Variants in JARID2 observed in about 807,000 individuals in gnomAD.
The protein encoded by JARID2 is jumonji and AT-rich interaction domain containing 2.
Under a neutral mutation model 125.6 loss-of-function variants are expected in JARID2, and 21 were observed. The observed-to-expected ratio is 0.17, with a 90% CI of 0.12 to 0.24. The LOEUF (loss-of-function observed/expected upper bound fraction) is 0.24, where lower values mean the gene tolerates loss of function less well. JARID2 is among the 10% of genes least tolerant of loss of function. The pLI, the probability that JARID2 is intolerant of heterozygous loss-of-function variation, is 1.00. For synonymous variants in JARID2, 736 were observed against 661.6 expected, an observed-to-expected ratio of 1.11 and a Z score of -1.73; for missense variants, 1,303 against 1,639.6, an observed-to-expected ratio of 0.79 and a Z score of 3.55.
At position 15,496,246 on chromosome 6, in the gene JARID2, A is replaced by G; in HGVS notation, c.1021A>G (p.Thr341Ala). The G allele has an allele frequency of 1.9e-6, 3 of 1,614,190 alleles. No homozygotes were observed. The highest frequency in any genetic ancestry group is 2.5e-6 in the Non-Finnish European group (3 of 1,180,036). ...ATCCAAAACTGTGAAGTACACTGCC[A>G]CGGTGACGAAGGGGGCTGTCACATA... ...SPSKTVKYTA[T>A]VTKGAVTYTK... Residue 341 changes from threonine to alanine, a missense_variant, in exon 7 of 18, where the codon ACG (threonine) becomes GCG (alanine). Transcript: ENST00000341776.
intron 3 of JARID2, among the ~76,000 whole-genome samples, chr6:15,437,310 C>G (rs138000213): frequency 1.3e-5 from 2 of 152,254 alleles, no homozygotes; most frequent in Non-Finnish European, 1.5e-5. Context: ...CTGTTCAGAC[C>G]TGAAAGGCAG....
At chr6:15,463,212 AAAAT>A (rs1306450366) in intron 4 of JARID2, among the ~76,000 whole-genome samples, 1 of 152,158 alleles carries the variant, frequency 6.6e-6, no homozygotes, top group African/African-American at 2.4e-5. Flanking sequence ...CCCCCTGAAA[AAAAT>A]CCCACACAAT....
chr6:15,320,568 T>G (rs1478057615), intron 1 of JARID2, among the ~76,000 whole-genome samples: 2 of 152,222 alleles, frequency 1.3e-5, no homozygotes, highest in Non-Finnish European at 2.9e-5. Context: ...TACTGTAGTT[T>G]AAATTCATCT....
chr6:15,421,766 TTGTAGCAAA>T (rs1264221790), intron 3 of JARID2, among the ~76,000 whole-genome samples: 5 of 152,150 alleles, frequency 3.3e-5, no homozygotes, highest in Admixed American at 3.3e-4. Flanking sequence ...CTTCCATAAG[TTGTAGCAAA>T]TGTAGGTCTG....
At chr6:15,349,113 G>A (rs1203341312) in intron 1 of JARID2, among the ~76,000 whole-genome samples, 2 of 152,182 alleles carry the variant, frequency 1.3e-5, no homozygotes, top group African/African-American at 4.8e-5. Context: ...ATGTTGGTCT[G>A]CTTTTCAATA....
chr6:15,342,387 G>A (rs923418886), intron 1 of JARID2, among the ~76,000 whole-genome samples: 1 of 152,174 alleles, frequency 6.6e-6, no homozygotes, highest in African/African-American at 2.4e-5. Context: ...CTGGGGCAGA[G>A]CAGACACTAA....
rs1372288698 is a variant in JARID2 at position 15,246,211 on chromosome 6, G to A, written c.-329G>A. The A allele has an allele frequency of 2.6e-5, 12 of 469,936 alleles. No homozygotes were observed. The allele number at this position is 469,936 out of a possible 1,614,324, so 29.1% of individuals were successfully genotyped here. ...TCACGTTTCGCTGATGTAGTTTTTGGAGGAAAAAGGGGGGGGAGTGAAGGG... is the reference window on the plus strand; with the variant it reads ...TCACGTTTCGCTGATGTAGTTTTTGAAGGAAAAAGGGGGGGGAGTGAAGGG... On this transcript the variant is annotated 5_prime_UTR_variant, in exon 1 of 18. Transcript: ENST00000341776.
rs765726366 is a variant in JARID2 at position 15,504,480 on chromosome 6, T to C, written c.2449-20T>C. The C allele has an allele frequency of 2.1e-5, 33 of 1,577,812 alleles. No individual in the cohort carries two copies. The highest frequency in any genetic ancestry group is 2.9e-5 in the Non-Finnish European group (33 of 1,146,988). On this transcript the variant is annotated intron_variant, in intron 8 of 17. Coordinates refer to ENST00000341776, the MANE Select transcript of JARID2 (RefSeq NM_004973.4). Reference sequence around the variant, plus strand: ...TTCAGCTTTGCTTCTGAAGCTTTACTGTTTTTTGTTTTGTTTCAGGGAAGG... The same window carrying C: ...TTCAGCTTTGCTTCTGAAGCTTTACCGTTTTTTGTTTTGTTTCAGGGAAGG...
intron 1 of JARID2, chr6:15,247,623 G>A: frequency 4.1e-6 from 4 of 984,938 alleles, no homozygotes; most frequent in Non-Finnish European, 4.8e-6. Flanking sequence ...AGACAAATTG[G>A]TGTTAATATT....
chr6:15,338,816 T>TC (rs1762968481), intron 1 of JARID2, among the ~76,000 whole-genome samples: 1 of 152,234 alleles, frequency 6.6e-6, no homozygotes, highest in South Asian at 2.1e-4. Context: ...AAGGCCCAGT[T>TC]ACCCTTCTCC....
chr6:15,302,641 C>T (rs139533875), intron 1 of JARID2, among the ~76,000 whole-genome samples: 1 of 152,194 alleles, frequency 6.6e-6, no homozygotes, highest in Non-Finnish European at 1.5e-5. Flanking sequence ...TCAGGCTGTC[C>T]ATTGCCTAGG....
chr6:15,429,046 T>C (rs1038107727), intron 3 of JARID2, among the ~76,000 whole-genome samples: 1 of 151,372 alleles, frequency 6.6e-6, no homozygotes, highest in Non-Finnish European at 1.5e-5. Context: ...ACATCATCCA[T>C]ATGTGATTGT....
Position 15,513,027 on chromosome 6 carries a change from C to A in JARID2, c.3248C>A (p.Ala1083Asp). The A allele has an allele frequency of 6.2e-7, 1 of 1,614,112 alleles. No homozygotes were observed. Among genetic ancestry groups the A allele is most frequent in the Non-Finnish European group, 8.5e-7 (1 of 1,180,016 alleles). Residue 1083 changes from alanine (A) to aspartate (D), a missense_variant, in exon 15 of 18, where the codon GCC (alanine) becomes GAC (aspartate). Transcript: ENST00000341776. Reference sequence around the variant, plus strand: ...GGTCCCACTCTCAGTACCATCTCAGCCCTCCTGGATGAGCTCAGGTAACAG... The same window carrying A: ...GGTCCCACTCTCAGTACCATCTCAGACCTCCTGGATGAGCTCAGGTAACAG... ...ENGPTLSTIS[A>D]LLDELRDTEL...
intron 13 of JARID2, among the ~76,000 whole-genome samples, chr6:15,511,819 C>T (rs1771293294): frequency 6.6e-6 from 1 of 152,194 alleles, no homozygotes; most frequent in Admixed American, 6.5e-5. Context: ...CCCTGCCGGT[C>T]CCGCCTGTCC....
At chr6:15,464,169 A>G (rs1038815481) in intron 4 of JARID2, among the ~76,000 whole-genome samples, 4 of 152,186 alleles carry the variant, frequency 2.6e-5, no homozygotes, top group African/African-American at 7.2e-5. Context: ...TCGAGGAGAA[A>G]AAAAGAACCT....
chr6:15,507,284 T>TG (rs989274985), intron 10 of JARID2, 30 bp downstream of exon 10: 2 of 1,602,868 alleles, frequency 1.2e-6, no homozygotes, highest in Non-Finnish European at 1.7e-6. Context: ...TCCAGGTTCT[T>TG]GGGGATGTGA....
chr6:15,505,823 G>A (rs990934476), intron 9 of JARID2, among the ~76,000 whole-genome samples: 7 of 152,268 alleles, frequency 4.6e-5, no homozygotes, highest in Admixed American at 2.6e-4. Context: ...TCTAGGACAC[G>A]TGTGGCTTCC....
At chr6:15,469,039 C>G (rs539309444) in intron 5 of JARID2, among the ~76,000 whole-genome samples, 6 of 152,144 alleles carry the variant, frequency 3.9e-5, no homozygotes, top group African/African-American at 1.4e-4. Context: ...TCTGTGCCCC[C>G]CTTTAATTAC....
At chr6:15,469,622 G>C (rs1426109922) in intron 5 of JARID2, among the ~76,000 whole-genome samples, 1 of 150,700 alleles carries the variant, frequency 6.6e-6, no homozygotes, top group Non-Finnish European at 1.5e-5. Context: ...GCCGCCTAGT[G>C]GTTTTTCAAT....
Sources: allele counts gnomAD v4.1 joint callset (sites outside exome capture counted in the v4.1 genomes callset), GRCh38; gene constraint gnomAD v4.1.1; transcripts MANE v1.5; gene names NCBI Gene and HGNC (gene_info 2026-07-23, HGNC 2026-07-21).